DMD: variants seen among roughly 807,000 people sequenced by gnomAD.
DMD encodes mutant dystrophin.
A neutral mutation model predicts 330.1 loss-of-function variants in DMD; 63 were observed. The observed-to-expected ratio is 0.19, with a 90% confidence interval of 0.16 to 0.24. DMD has a LOEUF of 0.24. DMD is among the 10% of genes least tolerant of loss of function. The pLI is 1.00. For synonymous variants in DMD, 1,223 were observed against 959.8 expected (o/e 1.27, Z -5.07); for missense variants, 3,344 against 2,684.1 (o/e 1.25, Z -5.43).
rs779091847 is a variant in DMD at position 33,179,465 on chromosome X, G to A, written c.31+31817C>T. ...TCTCAGCACTTTGGGAGGCCGAGGC[G>A]GGCGGATCACGAGGTCAGGAGATCG... On this transcript the variant is annotated intron_variant, in intron 1 of 78. Coordinates refer to ENST00000357033, the MANE Select transcript of DMD (RefSeq NM_004006.3). Among the ~76,000 whole-genome samples the A allele has an allele frequency of 2.7e-5, 3 of 110,515 alleles. No individual in the cohort carries two copies. The East Asian group carries it at 8.6e-4, about 32-fold the overall frequency.
At chrX:33,202,638 C>A (rs940727820) in intron 1 of DMD, among the ~76,000 whole-genome samples, 2 of 111,870 alleles carry the variant, frequency 1.8e-5, no homozygotes, top group Admixed American at 9.5e-5. Context: ...CTGCTTCTTG[C>A]AATCATTCTC....
intron 19 of DMD, among the ~76,000 whole-genome samples, chrX:32,499,908 G>C (rs1295164441): frequency 9.0e-6 from 1 of 110,975 alleles, no homozygotes; most frequent in Admixed American, 9.6e-5. Context: ...GACAAAAACG[G>C]AACAAATAGA....
intron 41 of DMD, among the ~76,000 whole-genome samples, chrX:32,323,002 G>A (rs1321014069): frequency 8.9e-6 from 1 of 112,105 alleles, no homozygotes; most frequent in African/African-American, 3.2e-5. Flanking sequence ...AGTACAGTTG[G>A]CCCTCTGTAT....
At chrX:32,628,276 T>A (rs1423618746) in intron 11 of DMD, among the ~76,000 whole-genome samples, 1 of 66,260 alleles carries the variant, frequency 1.5e-5, no homozygotes, top group Admixed American at 1.7e-4. Context: ...TTTTTTTTTT[T>A]TTTTTTTTTT....
chrX:32,903,144 CAAA>C (rs34973696), intron 2 of DMD, among the ~76,000 whole-genome samples: 19 of 32,987 alleles, frequency 5.8e-4, no homozygotes, highest in Admixed American at 1.7e-3. Flanking sequence ...GACTCAGTCT[CAAA>C]AAAAAAAAAA....
intron 11 of DMD, among the ~76,000 whole-genome samples, chrX:32,630,564 G>A (rs1208056392): frequency 1.8e-5 from 2 of 110,878 alleles, no homozygotes; most frequent in Admixed American, 1.9e-4. Context: ...CAAATAGCTT[G>A]TCTTCAAGCT....
At chrX:32,744,839 C>T (rs1423245109) in intron 7 of DMD, among the ~76,000 whole-genome samples, 1 of 112,013 alleles carries the variant, frequency 8.9e-6, no homozygotes, top group Non-Finnish European at 1.9e-5. Flanking sequence ...TTCTCAAATA[C>T]GTATGATTTT....
At chrX:31,526,502 A>G (rs1181614592) in intron 55 of DMD, among the ~76,000 whole-genome samples, 1 of 112,071 alleles carries the variant, frequency 8.9e-6, no homozygotes, top group East Asian at 2.8e-4. Context: ...TATTTAACCT[A>G]TACCATGGAT....
At chrX:31,332,485 T>C (rs2057183012) in intron 61 of DMD, among the ~76,000 whole-genome samples, 1 of 111,578 alleles carries the variant, frequency 9.0e-6, no homozygotes, top group Non-Finnish European at 1.9e-5. Flanking sequence ...ATAAAAAATA[T>C]CCTCCAGCCA....
At chrX:32,332,164 C>T (rs1298577472) in intron 41 of DMD, among the ~76,000 whole-genome samples, 6 of 111,236 alleles carry the variant, frequency 5.4e-5, no homozygotes, top group Non-Finnish European at 1.1e-4. Context: ...CTTAAAATTG[C>T]TTTATTCATT....
At chrX:31,493,740 C>A (rs957388527) in intron 57 of DMD, among the ~76,000 whole-genome samples, 1 of 112,024 alleles carries the variant, frequency 8.9e-6, no homozygotes, top group Non-Finnish European at 1.9e-5. Flanking sequence ...ATGTTTTTTA[C>A]ACAGATTATT....
chrX:31,871,740 A>G (rs56957169), intron 48 of DMD, among the ~76,000 whole-genome samples: 37,158 of 107,519 alleles, frequency 0.35, 5,189 homozygotes, highest in Non-Finnish European at 0.42. Flanking sequence ...AAAAAAGGGC[A>G]TGTGCTCAAA....
At chrX:33,178,223 T>C (rs934019677) in intron 1 of DMD, among the ~76,000 whole-genome samples, 2 of 112,420 alleles carry the variant, frequency 1.8e-5, no homozygotes, top group Non-Finnish European at 3.8e-5. Context: ...GCTTCTTAAA[T>C]TGGACAAACC....
chrX:31,409,143 C>T (rs1260978297), intron 60 of DMD, among the ~76,000 whole-genome samples: 9 of 111,416 alleles, frequency 8.1e-5, no homozygotes, highest in Non-Finnish European at 1.7e-4. Flanking sequence ...GCATAGTATT[C>T]TCTGGTGTAT....
chrX:31,365,433 A>G (rs2059179516), intron 60 of DMD, among the ~76,000 whole-genome samples: 1 of 112,128 alleles, frequency 8.9e-6, no homozygotes, highest in South Asian at 3.7e-4. Flanking sequence ...AAAAAGCTTC[A>G]TTTGTGAAAA....
chrX:31,793,384 T>C (rs919859529), intron 50 of DMD, among the ~76,000 whole-genome samples: 1 of 111,457 alleles, frequency 9.0e-6, no homozygotes, highest in Admixed American at 9.5e-5. Context: ...ACGAGAGTTG[T>C]GTAAATGCCT....
intron 1 of DMD, among the ~76,000 whole-genome samples, chrX:33,332,759 G>A (rs1036677551): frequency 1.8e-5 from 2 of 111,248 alleles, no homozygotes; most frequent in Non-Finnish European, 3.8e-5. Flanking sequence ...GGAGCTTTTT[G>A]TTTGCTTTTT....
intron 1 of DMD, among the ~76,000 whole-genome samples, chrX:33,250,450 C>T (rs1361791857): frequency 9.0e-6 from 1 of 110,672 alleles, no homozygotes; most frequent in African/African-American, 3.3e-5. Flanking sequence ...TTCTGCTCAC[C>T]TCCTGCTGTG....
At chrX:32,223,623 T>A (rs754597407) in intron 43 of DMD, among the ~76,000 whole-genome samples, 76 of 111,577 alleles carry the variant, frequency 6.8e-4, no homozygotes, top group African/African-American at 2.4e-3. Flanking sequence ...TAGTGCCAAA[T>A]GGATTTCACT....
Sources: gnomAD v4.1 joint callset for allele counts (sites outside exome capture counted in the v4.1 genomes callset) on GRCh38, gnomAD v4.1.1 for gene constraint, MANE v1.5 for transcripts, NCBI Gene and HGNC (gene_info 2026-07-23, HGNC 2026-07-21) for gene names.